The following SLC12A1 variants were observed in gnomAD, a reference collection of about 807,000 sequenced individuals.
The protein encoded by SLC12A1 is Na-K-2Cl cotransporter.
Under a neutral mutation model 130.4 loss-of-function variants are expected in SLC12A1, and 89 were observed. The ratio of observed to expected loss-of-function variants is 0.68; its 90% CI spans 0.58 to 0.81. The LOEUF is 0.81. Among genes scored for constraint, SLC12A1 ranks in the 40% least tolerant of loss-of-function variants. The pLI is 0.00. For missense variants in SLC12A1, 1,310 were observed against 1,336.4 expected, an observed-to-expected ratio of 0.98 and a Z score of 0.31; for synonymous variants, 499 against 460.0, an observed-to-expected ratio of 1.08 and a Z score of -1.09.
Position 48,230,449 on chromosome 15 carries a change from C to T in SLC12A1, c.921C>T (p.Ile307=), listed in dbSNP as rs1485109518. Residue 307 remains isoleucine, a synonymous_variant, in exon 7 of 27, where the codon ATC becomes ATT. Coordinates refer to ENST00000380993, the MANE Select transcript of SLC12A1 (RefSeq NM_000338.3). Reference sequence around the variant, plus strand: ...ATGACATCCGGATTATAGGCTCCATCACAGTGGTGATTCTTCTAGGAATTT... The same window carrying T: ...ATGACATCCGGATTATAGGCTCCATTACAGTGGTGATTCTTCTAGGAATTT... ...PTNDIRIIGS[I]TVVILLGISV... The T allele has an allele frequency of 6.2e-7, 1 of 1,613,086 alleles. No homozygotes were observed. Among genetic ancestry groups the T allele is most frequent in the South Asian group, 1.1e-5 (1 of 90,628 alleles).
Position 48,236,299 on chromosome 15 carries a change from G to A in SLC12A1, c.1215+1295G>A, listed in dbSNP as rs115504037. ...GAACAAATAATTGTTAAGTTAATCA[G>A]GGATGATTTTCTCAAGGAAATAATT... On this transcript the variant is annotated intron_variant, in intron 9 of 26. Transcript: ENST00000380993. Among the ~76,000 whole-genome samples the A allele has an allele frequency of 8.0e-3, 1,212 of 152,274 alleles. 11 individuals carry two copies. The highest frequency in any genetic ancestry group is 0.028 in the African/African-American group (1,161 of 41,548).
chr15:48,288,060 A>G lies in SLC12A1; in HGVS notation c.2647A>G (p.Ser883Gly). 3 of 1,611,356 alleles carry G rather than the reference A, an allele frequency of 1.9e-6. No homozygotes were observed. The highest frequency in any genetic ancestry group is 2.7e-5 in the African/African-American group (2 of 75,010). Reference sequence around the variant, plus strand: ...CGTTTCAGATGGCAGCATTAACACAAGCCAGTCGATGCATGTGGGAGAGTT... The same window carrying G: ...CGTTTCAGATGGCAGCATTAACACAGGCCAGTCGATGCATGTGGGAGAGTT... Reference protein sequence around the residue: ...TPKKDGSINTSQSMHVGEFNQ... With the variant: ...TPKKDGSINTGQSMHVGEFNQ... The change falls in exon 22 of 27, where the codon AGC (serine) becomes GGC (glycine). Residue 883 changes from serine to glycine, a missense_variant. By Grantham distance (56) the Ser-to-Gly change is moderately conservative. Coordinates refer to ENST00000380993, the MANE Select transcript of SLC12A1 (RefSeq NM_000338.3).
At chr15:48,244,217 C>T (rs555399251) in intron 10 of SLC12A1, among the ~76,000 whole-genome samples, 12 of 152,230 alleles carry the variant, frequency 7.9e-5, no homozygotes, top group African/African-American at 2.9e-4. Flanking sequence ...TATCCTAAAA[C>T]ATTTCCTTCA....
intron 25 of SLC12A1, among the ~76,000 whole-genome samples, chr15:48,299,773 T>C (rs1162226590): frequency 6.6e-6 from 1 of 152,184 alleles, no homozygotes; most frequent in African/African-American, 2.4e-5. Context: ...GGATGTAAAA[T>C]GGTGAGCCTT....
chr15:48,211,000 G>A (rs971630546), intron 2 of SLC12A1, among the ~76,000 whole-genome samples: 6 of 152,100 alleles, frequency 3.9e-5, no homozygotes, highest in African/African-American at 1.2e-4. Context: ...ACTGAACTTC[G>A]ACTTAAAGCA....
intron 8 of SLC12A1, 62 bp downstream of exon 8, chr15:48,232,900 T>A (rs578031531): frequency 2.0e-6 from 2 of 1,005,906 alleles, no homozygotes; most frequent in Non-Finnish European, 3.1e-6. Flanking sequence ...CTCATCACCA[T>A]CCCCATCAAC....
Position 48,291,787 on chromosome 15 carries a change from C to A in SLC12A1, c.2883C>A (p.Ser961=). The A allele has an allele frequency of 6.4e-7, 1 of 1,556,236 alleles. No homozygotes were observed. Among genetic ancestry groups the A allele is most frequent in the South Asian group, 1.2e-5 (1 of 84,254 alleles). ...RIEEEKIVMA[S]LLSKFRIKFA... ...CCTTTTATATTTTCAGAATGGCTTCCCTTCTGAGCAAATTTAGGATAAAAT... is the reference window on the plus strand; with the variant it reads ...CCTTTTATATTTTCAGAATGGCTTCACTTCTGAGCAAATTTAGGATAAAAT... Residue 961 remains serine (S), a synonymous_variant, in exon 24 of 27, where the codon TCC becomes TCA. Coordinates refer to ENST00000380993, the MANE Select transcript of SLC12A1 (RefSeq NM_000338.3).
At chr15:48,288,628 C>A in intron 23 of SLC12A1, 112 bp downstream of exon 23, 1 of 613,472 alleles carries the variant, frequency 1.6e-6, no homozygotes, top group Non-Finnish European at 2.9e-6. Context: ...AAGACAAAGC[C>A]ACCAGGATAG....
At position 48,229,320 on chromosome 15, in the gene SLC12A1, C is replaced by G. The variant is rs2041337809; in HGVS notation, c.856C>G (p.Leu286Val). 1 of 1,598,046 alleles carries G rather than the reference C, an allele frequency of 6.3e-7. No individual in the cohort carries two copies. Among genetic ancestry groups the G allele is most frequent in the Admixed American group, 1.7e-5 (1 of 57,384 alleles). The change falls in exon 6 of 27, where the codon CTT (leucine) becomes GTT (valine). Residue 286 changes from leucine (L) to valine (V), a missense_variant. By Grantham distance (32) the Leu-to-Val change is conservative. Coordinates refer to ENST00000380993, the MANE Select transcript of SLC12A1 (RefSeq NM_000338.3). ...VVGFAETVVD[L>V]LKESDSMMVD... ...GGGATTTGCTGAGACTGTAGTAGAT[C>G]TTCTTAAGGTAATTAAAAGCTTTTC...
At chr15:48,225,789 A>C in intron 4 of SLC12A1, 1 of 478,038 alleles carries the variant, frequency 2.1e-6, no homozygotes, top group Non-Finnish European at 2.7e-6. Flanking sequence ...GCTGGTTTTT[A>C]TGTAAATGAT....
chr15:48,284,237 T>C (rs144429317), intron 20 of SLC12A1, among the ~76,000 whole-genome samples: 29 of 152,234 alleles, frequency 1.9e-4, no homozygotes, highest in African/African-American at 7.0e-4. Flanking sequence ...TTGAAAGGAA[T>C]TGGTGGTGGA....
chr15:48,232,908 A>C, intron 8 of SLC12A1, 70 bp downstream of exon 8: 1 of 906,356 alleles, frequency 1.1e-6, no homozygotes, highest in Non-Finnish European at 1.8e-6. Flanking sequence ...CATCCCCATC[A>C]ACCCAACCCC....
Position 48,287,690 on chromosome 15 carries a change from T to C in SLC12A1, c.2630-353T>C, listed in dbSNP as rs112432747. 4.9e-3 allele frequency among the ~76,000 whole-genome samples: 741 copies of C among 152,340 alleles called. 8 individuals are homozygous for C. Among genetic ancestry groups the C allele is most frequent in the Middle Eastern group, 0.044 (13 of 294 alleles). On this transcript the variant is annotated intron_variant, in intron 21 of 26. Coordinates refer to ENST00000380993, the MANE Select transcript of SLC12A1 (RefSeq NM_000338.3). ...TTAAGGTGATTTATATCTGAGATTTTGGGAAATGTGGATATTCTGGCTAGT... is the reference window on the plus strand; with the variant it reads ...TTAAGGTGATTTATATCTGAGATTTCGGGAAATGTGGATATTCTGGCTAGT...
chr15:48,294,365 A>T (rs1239769602), intron 24 of SLC12A1, among the ~76,000 whole-genome samples: 3 of 150,304 alleles, frequency 2.0e-5, no homozygotes, highest in South Asian at 2.1e-4. Context: ...AAAAAAAAAA[A>T]GAAGAAGAAG....
At chr15:48,238,536 G>A (rs2041465369) in intron 9 of SLC12A1, among the ~76,000 whole-genome samples, 2 of 152,158 alleles carry the variant, frequency 1.3e-5, no homozygotes, top group Admixed American at 1.3e-4. Flanking sequence ...TGAAAATCAA[G>A]AGAGGAGAAT....
At chr15:48,239,543 TA>T (rs1191433165) in intron 9 of SLC12A1, among the ~76,000 whole-genome samples, 4 of 151,196 alleles carry the variant, frequency 2.6e-5, no homozygotes, top group Non-Finnish European at 5.9e-5. Context: ...AATAAATAAA[TA>T]AATAATAATG....
intron 4 of SLC12A1, chr15:48,225,881 G>A (rs897268380): frequency 8.0e-5 from 79 of 984,684 alleles, no homozygotes; most frequent in African/African-American, 2.6e-4. Context: ...CGGCTTAGCC[G>A]TGACAGTGAC....
Position 48,286,247 on chromosome 15 carries a change from G to T in SLC12A1, c.2629+998G>T, listed in dbSNP as rs149784717. On this transcript the variant is annotated intron_variant, in intron 21 of 26. Coordinates refer to ENST00000380993, the MANE Select transcript of SLC12A1 (RefSeq NM_000338.3). ...TTTATATATCCACAGAGAATGATGG[G>T]AAATCCAGATATTGCCCCACTTCAA... Among the ~76,000 whole-genome samples, 519 of 152,264 alleles carry T rather than the reference G, an allele frequency of 3.4e-3. 1 individual carries two copies. The highest frequency in any genetic ancestry group is 0.012 in the African/African-American group (510 of 41,548).
chr15:48,218,535 G>A (rs2041156023), intron 2 of SLC12A1, among the ~76,000 whole-genome samples: 2 of 152,102 alleles, frequency 1.3e-5, no homozygotes, highest in Non-Finnish European at 2.9e-5. Context: ...TATGGCAAGG[G>A]CAAGAGCTTC....
Sources: gnomAD v4.1 joint callset for allele counts (sites outside exome capture counted in the v4.1 genomes callset) on GRCh38, gnomAD v4.1.1 for gene constraint, MANE v1.5 for transcripts, NCBI Gene and HGNC (gene_info 2026-07-23, HGNC 2026-07-21) for gene names.